The following TMCC3 variants were observed in gnomAD, a reference collection of about 807,000 sequenced individuals.
The protein encoded by TMCC3 is transmembrane and coiled-coil domain protein 3.
TMCC3 carries 28 observed loss-of-function variants against 40.2 expected under a neutral mutation model. The observed-to-expected ratio is 0.70, with a 90% CI of 0.52 to 0.95. The LOEUF is 0.95. Ranked by LOEUF, TMCC3 falls within the 40% of genes least tolerant of loss-of-function variation. The pLI, the probability that TMCC3 is intolerant of heterozygous loss-of-function variation, is 0.00. For synonymous variants in TMCC3, 255 were observed against 248.5 expected (o/e 1.03, Z -0.25); for missense variants, 554 against 615.2 (o/e 0.90, Z 1.05).
intron 1 of TMCC3, among the ~76,000 whole-genome samples, chr12:94,621,977 T>C (rs1356629539): frequency 6.6e-6 from 1 of 152,142 alleles, no homozygotes; most frequent in South Asian, 2.1e-4. Context: ...AGGAGAAATA[T>C]ACAATTGTAC....
intron 2 of TMCC3, among the ~76,000 whole-genome samples, chr12:94,581,127 C>A (rs4628743): frequency 6.6e-6 from 1 of 152,058 alleles, no homozygotes; most frequent in South Asian, 2.1e-4. Context: ...CATATATATA[C>A]GGAGATACCT....
chr12:94,612,373 C>T (rs1216665276), intron 1 of TMCC3, among the ~76,000 whole-genome samples: 7 of 151,860 alleles, frequency 4.6e-5, no homozygotes, highest in East Asian at 1.9e-4. Flanking sequence ...TGCAGTGGTG[C>T]GATCTCGGCT....
At chr12:94,604,073 C>A (rs559935731) in intron 1 of TMCC3, among the ~76,000 whole-genome samples, 1 of 152,310 alleles carries the variant, frequency 6.6e-6, no homozygotes, top group East Asian at 1.9e-4. Context: ...GAAATCCACA[C>A]GTGTACTACT....
intron 1 of TMCC3, among the ~76,000 whole-genome samples, chr12:94,610,437 A>C (rs1251727313): frequency 6.6e-6 from 1 of 151,942 alleles, no homozygotes; most frequent in Non-Finnish European, 1.5e-5. Flanking sequence ...GGCAAAAAAA[A>C]AAAAAATTTT....
intron 2 of TMCC3, among the ~76,000 whole-genome samples, chr12:94,579,017 A>G (rs1487771018): frequency 6.6e-6 from 1 of 152,128 alleles, no homozygotes; most frequent in East Asian, 1.9e-4. Flanking sequence ...CAACTCTACT[A>G]TTTCCCAGCA....
At chr12:94,625,782 A>C (rs1268502635) in intron 1 of TMCC3, among the ~76,000 whole-genome samples, 2 of 152,158 alleles carry the variant, frequency 1.3e-5, no homozygotes, top group East Asian at 1.9e-4. Context: ...AGCAGTCACT[A>C]CTGTACTGAC....
intron 1 of TMCC3, among the ~76,000 whole-genome samples, chr12:94,590,172 G>A (rs2068664411): frequency 7.1e-6 from 1 of 140,758 alleles, no homozygotes. Flanking sequence ...CGCGATCTCC[G>A]CTCACTGCAA....
chr12:94,620,276 T>C (rs2068868739), intron 1 of TMCC3, among the ~76,000 whole-genome samples: 1 of 151,424 alleles, frequency 6.6e-6, no homozygotes, highest in Admixed American at 6.6e-5. Flanking sequence ...GTGGAAATTT[T>C]TTTTTTTTAA....
At chr12:94,584,043 C>T (rs2068623075) in intron 1 of TMCC3, among the ~76,000 whole-genome samples, 1 of 151,584 alleles carries the variant, frequency 6.6e-6, no homozygotes, top group Non-Finnish European at 1.5e-5. Flanking sequence ...GGGCTGACAG[C>T]AAAAAAATTA....
chr12:94,572,370 G>A (rs1479204666), intron 3 of TMCC3, among the ~76,000 whole-genome samples: 1 of 130,074 alleles, frequency 7.7e-6, no homozygotes, highest in Admixed American at 9.2e-5. Context: ...GAGTGCAGTG[G>A]CGTGATCTCG....
chr12:94,617,155 G>A (rs895956924), intron 1 of TMCC3, among the ~76,000 whole-genome samples: 1 of 152,196 alleles, frequency 6.6e-6, no homozygotes, highest in African/African-American at 2.4e-5. Context: ...TTATTCACAA[G>A]ATAGGCAAGA....
intron 1 of TMCC3, among the ~76,000 whole-genome samples, chr12:94,622,113 C>G (rs1407381709): frequency 2.6e-5 from 4 of 152,170 alleles, no homozygotes; most frequent in African/African-American, 9.7e-5. Flanking sequence ...AGCAAAAGAC[C>G]TCTAATTACC....
At chr12:94,610,727 A>C (rs967623066) in intron 1 of TMCC3, among the ~76,000 whole-genome samples, 8 of 152,236 alleles carry the variant, frequency 5.3e-5, no homozygotes, top group Non-Finnish European at 1.0e-4. Flanking sequence ...ATTCAATCTA[A>C]ACTGTTAAGA....
chr12:94,615,866 T>A, intron 1 of TMCC3: 1 of 936,080 alleles, frequency 1.1e-6, no homozygotes, highest in Non-Finnish European at 1.3e-6. Context: ...ACCACAAAGC[T>A]CCACAATACA....
At chr12:94,578,177 A>C in intron 3 of TMCC3, among the ~76,000 whole-genome samples, 1 of 149,680 alleles carries the variant, frequency 6.7e-6, no homozygotes, top group Non-Finnish European at 1.5e-5. Context: ...AAGAAAAAGA[A>C]AAAGAAAAAA....
chr12:94,610,364 T>A (rs73375871), intron 1 of TMCC3, among the ~76,000 whole-genome samples: 3,487 of 151,636 alleles, frequency 0.023, 114 homozygotes, highest in African/African-American at 0.079. Context: ...AAAGAAGGGC[T>A]AGGAAGAAAA....
intron 3 of TMCC3, 77 bp from the exon 4 acceptor site, chr12:94,571,814 A>T: frequency 6.7e-7 from 1 of 1,501,146 alleles, no homozygotes; most frequent in Non-Finnish European, 9.1e-7. Context: ...TCAGCTGTAC[A>T]CAAAAGCCCC....
At chr12:94,646,184 T>C (rs890587260) in intron 1 of TMCC3, among the ~76,000 whole-genome samples, 43 of 152,054 alleles carry the variant, frequency 2.8e-4, no homozygotes, top group Admixed American at 2.6e-3. Context: ...TGGGGGATGA[T>C]TGGGAGATAT....
At chr12:94,631,031 CG>C (rs1311076552) in intron 1 of TMCC3, among the ~76,000 whole-genome samples, 1 of 152,198 alleles carries the variant, frequency 6.6e-6, no homozygotes, top group Non-Finnish European at 1.5e-5. Context: ...GCGTGAGCCA[CG>C]GTGCCCGGCA....
Sources: gnomAD v4.1 joint callset for allele counts (sites outside exome capture counted in the v4.1 genomes callset) on GRCh38, gnomAD v4.1.1 for gene constraint, MANE v1.5 for transcripts, NCBI Gene and HGNC (gene_info 2026-07-23, HGNC 2026-07-21) for gene names.